SHTN1: variants seen among roughly 807,000 people sequenced by gnomAD.
SHTN1 encodes shootin-1.
A neutral mutation model predicts 83.1 loss-of-function variants in SHTN1; 42 were observed. The observed-to-expected ratio is 0.51, with a 90% CI of 0.39 to 0.65. The LOEUF is 0.65. Among genes scored for constraint, SHTN1 ranks in the 30% least tolerant of loss-of-function variants. The probability of loss-of-function intolerance (pLI) is 0.00; values close to 1 mark genes in which losing one functional copy is unlikely to be tolerated. For missense variants in SHTN1, 622 were observed against 737.8 expected (o/e 0.84, Z 1.82); for synonymous variants, 224 against 247.7 (o/e 0.90, Z 0.90).
Position 116,988,553 on chromosome 10 carries a change from A to G in SHTN1, c.59-9245T>C, listed in dbSNP as rs905614453. On this transcript the variant is annotated intron_variant, in intron 1 of 16. Transcript: ENST00000355371. ...TTATATATTATTTATTTATTTATTT[A>G]TTTTATTATTTTTGAGACAGGGTCT... is the stretch of plus-strand genomic sequence containing the variant. 6.9e-5 allele frequency among the ~76,000 whole-genome samples: 10 copies of G among 144,048 alleles called. No individual in the cohort carries two copies. The East Asian group carries it at 2.0e-3, about 29-fold the overall frequency. The allele number at this position is 144,048 out of a possible 152,430, so 94.5% of individuals were successfully genotyped here.
At chr10:116,999,246 C>A (rs1297359678) in intron 1 of SHTN1, among the ~76,000 whole-genome samples, 1 of 152,130 alleles carries the variant, frequency 6.6e-6, no homozygotes, top group Non-Finnish European at 1.5e-5. Context: ...TTTTTAATGA[C>A]AACGCTACAT....
At position 116,928,974 on chromosome 10, in the gene SHTN1, C is replaced by T. The variant is rs182646534; in HGVS notation, c.1012+875G>A. On this transcript the variant is annotated intron_variant, in intron 10 of 16. Coordinates refer to ENST00000355371, the MANE Select transcript of SHTN1 (RefSeq NM_001127211.3). ...CTATTCATAATAAAGATGGCTTTGG[C>T]TACAGGCTACTCTGATATTCACTAA... 3.3e-5 allele frequency among the ~76,000 whole-genome samples: 5 copies of T among 152,262 alleles called. No homozygotes were observed. The East Asian group carries it at 9.6e-4, about 29-fold the overall frequency.
In SHTN1 at chr10:117,084,710, C is replaced by T. The variant is rs184132462; in HGVS notation, c.-188-36200G>A. The stretch of plus-strand genomic sequence containing the variant: ...CGAGACTCCGTGAGGTAGGACCCTC[C>T]GAGCCAGGTGCAGGATATAATCTCG... On this transcript the variant is annotated intron_variant, in intron 1 of 17. Coordinates refer to the SHTN1 transcript ENST00000392901. 1.7e-3 allele frequency among the ~76,000 whole-genome samples: 264 copies of T among 152,210 alleles called. 5 individuals carry two copies. The highest frequency in any genetic ancestry group is 0.017 in the Admixed American group (253 of 15,296).
At chr10:117,096,206 T>C (rs1283941026) in intron 1 of SHTN1, among the ~76,000 whole-genome samples, 1 of 152,204 alleles carries the variant, frequency 6.6e-6, no homozygotes, top group South Asian at 2.1e-4. Context: ...GTTATTGTGC[T>C]TAAAATAAAA....
chr10:116,916,381 C>G (rs1848383078), intron 12 of SHTN1, among the ~76,000 whole-genome samples: 2 of 152,186 alleles, frequency 1.3e-5, no homozygotes, highest in Non-Finnish European at 2.9e-5. Flanking sequence ...CCATCTAGCT[C>G]ATTGCAGCCA....
chr10:117,063,175 C>G (rs149864747), intron 1 of SHTN1, among the ~76,000 whole-genome samples: 20 of 152,282 alleles, frequency 1.3e-4, no homozygotes, highest in Admixed American at 1.2e-3. Context: ...CTTTTCTATT[C>G]CACACGATAA....
chr10:116,988,731 G>A (rs1322806147), intron 1 of SHTN1, among the ~76,000 whole-genome samples: 1 of 151,668 alleles, frequency 6.6e-6, no homozygotes, highest in Non-Finnish European at 1.5e-5. Context: ...TTGTAGGGAG[G>A]GGTTCTTGTT....
chr10:117,005,926 A>C (rs1419028554), upstream of SHTN1, among the ~76,000 whole-genome samples: 1 of 152,196 alleles, frequency 6.6e-6, no homozygotes, highest in Non-Finnish European at 1.5e-5. Context: ...GCCGAAGGTC[A>C]CGCAGCCCCC....
chr10:116,957,407 C>A (rs1200860089), intron 4 of SHTN1, among the ~76,000 whole-genome samples: 1 of 151,802 alleles, frequency 6.6e-6, no homozygotes. Context: ...GCACACACCA[C>A]CACGCCCAGC....
At chr10:116,936,222 G>C (rs2133388565) in intron 9 of SHTN1, among the ~76,000 whole-genome samples, 2 of 152,062 alleles carry the variant, frequency 1.3e-5, no homozygotes, top group East Asian at 3.9e-4. Flanking sequence ...TTTTGAATTT[G>C]TTTGCTCTTG....
At chr10:116,952,445 A>G (rs965324280) in intron 5 of SHTN1, among the ~76,000 whole-genome samples, 3 of 152,220 alleles carry the variant, frequency 2.0e-5, no homozygotes, top group Admixed American at 2.0e-4. Flanking sequence ...GATTAGAAGT[A>G]AAAGATCCTG....
In SHTN1 at chr10:116,954,103, A is replaced by C. The variant is rs765307391; in HGVS notation, c.375T>G (p.Thr125=). The change falls in exon 5 of 17, where the codon ACT becomes ACG. Residue 125 remains threonine (T), a synonymous_variant. Coordinates refer to ENST00000355371, the MANE Select transcript of SHTN1 (RefSeq NM_001127211.3). Reference sequence around the variant, plus strand: ...TCTCGGCGGCACCGTCTGTGTCTGTAGTCGAATCTTCATCATCAATGTTTA... The same window carrying C: ...TCTCGGCGGCACCGTCTGTGTCTGTCGTCGAATCTTCATCATCAATGTTTA... ...EEINIDDEDS[T]TDTDGAAETC... is the part of the protein sequence containing the mutation. The C allele has an allele frequency of 6.2e-7, 1 of 1,614,068 alleles. No individual in the cohort carries two copies. Among genetic ancestry groups the C allele is most frequent in the East Asian group, 2.2e-5 (1 of 44,876 alleles).
At chr10:116,982,972 A>T (rs1297596306) in intron 1 of SHTN1, among the ~76,000 whole-genome samples, 5 of 152,138 alleles carry the variant, frequency 3.3e-5, no homozygotes, top group African/African-American at 9.7e-5. Flanking sequence ...CAAAAAAAAA[A>T]AAGAACAGAT....
intron 12 of SHTN1, among the ~76,000 whole-genome samples, chr10:116,915,829 T>A (rs1231119272): frequency 6.6e-6 from 1 of 152,162 alleles, no homozygotes; most frequent in African/African-American, 2.4e-5. Context: ...CAAATAATCT[T>A]TGTCTCAAAG....
intron 1 of SHTN1, among the ~76,000 whole-genome samples, chr10:117,123,990 T>C (rs927642263): frequency 1.5e-4 from 23 of 151,402 alleles, no homozygotes; most frequent in Admixed American, 7.9e-4. Flanking sequence ...GGTGGGAGGA[T>C]TGCTTGAGTC....
upstream of SHTN1, chr10:117,005,330 G>A (rs1348847181): frequency 8.3e-6 from 11 of 1,328,382 alleles, no homozygotes; most frequent in South Asian, 1.7e-5. Context: ...AGGGGGTGGA[G>A]GAACGAGGGC....
At chr10:117,077,011 T>TC (rs1853167424) in intron 1 of SHTN1, among the ~76,000 whole-genome samples, 1 of 152,200 alleles carries the variant, frequency 6.6e-6, no homozygotes, top group Non-Finnish European at 1.5e-5. Context: ...TTCACTGGTA[T>TC]ATTTACATCT....
intron 14 of SHTN1, chr10:116,911,372 T>A: frequency 1.6e-6 from 2 of 1,270,060 alleles, no homozygotes; most frequent in African/African-American, 3.0e-5. Context: ...GACCCTGATA[T>A]GAAGCTATTT....
chr10:117,042,145 A>G (rs1021098442), intron 2 of SHTN1, among the ~76,000 whole-genome samples: 6 of 152,198 alleles, frequency 3.9e-5, no homozygotes, highest in Non-Finnish European at 5.9e-5. Flanking sequence ...TTTTCCTTTG[A>G]TATTTACAGG....
Sources: gnomAD v4.1 joint callset for allele counts (sites outside exome capture counted in the v4.1 genomes callset) on GRCh38, gnomAD v4.1.1 for gene constraint, MANE v1.5 for transcripts, NCBI Gene and HGNC (gene_info 2026-07-23, HGNC 2026-07-21) for gene names.